The following TTC6 variants were observed in gnomAD, a reference collection of about 807,000 sequenced individuals.
The protein encoded by TTC6 is tetratricopeptide repeat protein 6.
TTC6 carries 172 observed loss-of-function variants against 210.4 expected under a neutral mutation model. The ratio of observed to expected loss-of-function variants is 0.82; its 90% CI spans 0.72 to 0.93. The LOEUF (loss-of-function observed/expected upper bound fraction) is 0.93, where lower values mean the gene tolerates loss of function less well. Among genes scored for constraint, TTC6 ranks in the 40% least tolerant of loss-of-function variants. The pLI is 0.00. For missense variants in TTC6, 2,414 were observed against 2,318.1 expected, an observed-to-expected ratio of 1.04 and a Z score of -0.85; for synonymous variants, 804 against 819.6, an observed-to-expected ratio of 0.98 and a Z score of 0.32.
chr14:37,804,815 G>T lies in TTC6; in HGVS notation c.4164+1G>T. Reference sequence around the variant, plus strand: ...CATGGAGGAAGGCAATTTACAAATGGTATTTCGTGTATTTAGGAGTATAGA... The same window carrying T: ...CATGGAGGAAGGCAATTTACAAATGTTATTTCGTGTATTTAGGAGTATAGA... On this transcript the variant is annotated splice_donor_variant, in intron 21 of 30. Transcript: ENST00000553443. LOFTEE classifies it high-confidence loss of function. The T allele has an allele frequency of 1.9e-6, 3 of 1,612,974 alleles. No homozygotes were observed. The highest frequency in any genetic ancestry group is 2.5e-6 in the Non-Finnish European group (3 of 1,179,534).
chr14:37,749,205 C>T lies in TTC6; in HGVS notation c.2630C>T (p.Pro877Leu), dbSNP rs1183258800. 6 of 1,530,808 alleles carry T rather than the reference C, an allele frequency of 3.9e-6. No homozygotes were observed. The African/African-American group carries it at 5.5e-5, about 14-fold the overall frequency. 94.8% of individuals were successfully genotyped at this position (1,530,808 alleles called of 1,614,324 possible). ...GACCCACCTGAAAGAGTGAAAGAAC[C>T]ACCAAAACTAAAATTAAATGATTAT... The change falls in exon 11 of 31, where the codon CCA (proline) becomes CTA (leucine). Residue 877 changes from proline to leucine, a missense_variant. By Grantham distance (98) the Pro-to-Leu change is moderately conservative. Coordinates refer to ENST00000553443, the Ensembl canonical transcript of TTC6.
chr14:37,752,091 G>T (rs11850684), intron 13 of TTC6, among the ~76,000 whole-genome samples: 6,848 of 151,942 alleles, frequency 0.045, 572 homozygotes, highest in African/African-American at 0.16. Flanking sequence ...TCCCAAAGTG[G>T]TGGGGTTACA....
chr14:37,626,849 AC>A (rs2095661204), intron 1 of TTC6, among the ~76,000 whole-genome samples: 1 of 152,244 alleles, frequency 6.6e-6, no homozygotes, highest in Admixed American at 6.5e-5. Flanking sequence ...CCAGCTAAAT[AC>A]TGCGGAAAAA....
intron 1 of TTC6, among the ~76,000 whole-genome samples, chr14:37,654,550 C>T (rs1250407069): frequency 6.6e-6 from 1 of 152,090 alleles, no homozygotes; most frequent in African/African-American, 2.4e-5. Context: ...GCCTGCAGAA[C>T]CGTGAGCCAA....
exon 3 of TTC6, chr14:37,682,816 A>T: frequency 6.5e-7 from 1 of 1,535,696 alleles, no homozygotes; most frequent in East Asian, 2.4e-5. Context: ...GAACAAGAGG[A>T]TATAGAATGG....
chr14:37,834,350 G>A (rs2096193022), intron 29 of TTC6, among the ~76,000 whole-genome samples: 2 of 152,082 alleles, frequency 1.3e-5, no homozygotes, highest in African/African-American at 4.8e-5. Context: ...TATATATGAT[G>A]TAAGCTTTCT....
intron 4 of TTC6, among the ~76,000 whole-genome samples, chr14:37,701,091 G>T (rs1210112073): frequency 6.6e-6 from 1 of 152,114 alleles, no homozygotes; most frequent in African/African-American, 2.4e-5. Flanking sequence ...CCTGTAGACT[G>T]TTGTCTGTAG....
intron 1 of TTC6, among the ~76,000 whole-genome samples, chr14:37,679,911 A>T (rs2095779381): frequency 6.6e-6 from 1 of 151,984 alleles, no homozygotes; most frequent in Non-Finnish European, 1.5e-5. Flanking sequence ...GCTCATCTCA[A>T]ATTCTTGACC....
intron 1 of TTC6, among the ~76,000 whole-genome samples, chr14:37,627,321 T>G (rs1030235722): frequency 6.6e-6 from 1 of 152,132 alleles, no homozygotes; most frequent in Non-Finnish European, 1.5e-5. Context: ...TCTTTTATTT[T>G]TATTATTATA....
intron 14 of TTC6, among the ~76,000 whole-genome samples, chr14:37,779,794 A>G (rs559935497): frequency 1.3e-5 from 2 of 152,208 alleles, no homozygotes; most frequent in Non-Finnish European, 2.9e-5. Flanking sequence ...GGAGGAGAAC[A>G]AAAAGGTTAA....
chr14:37,708,348 A>G lies in TTC6; in HGVS notation c.1572-6307A>G, dbSNP rs569864079. On this transcript the variant is annotated intron_variant, in intron 5 of 30. Coordinates refer to ENST00000553443, the Ensembl canonical transcript of TTC6. ...TTAAGAAAATGGAAAATTATCTAAC[A>G]GAAAAATGCATTGAAGTACACTACA... Among the ~76,000 whole-genome samples, 7 of 152,180 alleles carry G rather than the reference A, an allele frequency of 4.6e-5. No individual in the cohort carries two copies. The East Asian group carries it at 1.2e-3, about 25-fold the overall frequency.
intron 7 of TTC6, among the ~76,000 whole-genome samples, chr14:37,727,747 A>G (rs2095876575): frequency 6.6e-6 from 1 of 152,004 alleles, no homozygotes; most frequent in African/African-American, 2.4e-5. Context: ...AGTAATTTCT[A>G]TTGCAATTTT....
intron 3 of TTC6, among the ~76,000 whole-genome samples, chr14:37,693,647 A>G (rs1247860065): frequency 6.6e-6 from 1 of 152,104 alleles, no homozygotes; most frequent in East Asian, 1.9e-4. Flanking sequence ...ACAAATAAAA[A>G]CAAAAACAAA....
chr14:37,736,246 GATGTGGTGGC>G (rs1424162603), intron 8 of TTC6, among the ~76,000 whole-genome samples: 1 of 152,054 alleles, frequency 6.6e-6, no homozygotes, highest in Non-Finnish European at 1.5e-5. Context: ...AAATTAGCTG[GATGTGGTGGC>G]ACGTGCCTGT....
In TTC6 at chr14:37,771,780, G is replaced by A. The variant is rs187813476; in HGVS notation, c.3267-15688G>A. On this transcript the variant is annotated intron_variant, in intron 14 of 30. Transcript: ENST00000553443. ...TCCTGTGGCTCAGAGTAATTTGATC[G>A]TCTGAAGCCTTCTTCTCTCAGCTCG... is the stretch of plus-strand genomic sequence containing the variant. 1.6e-3 allele frequency among the ~76,000 whole-genome samples: 237 copies of A among 152,068 alleles called. 1 individual carries two copies. Among genetic ancestry groups the A allele is most frequent in the African/African-American group, 5.3e-3 (219 of 41,472 alleles).
At chr14:37,733,167 C>T (rs1209360243) in intron 7 of TTC6, among the ~76,000 whole-genome samples, 3 of 152,174 alleles carry the variant, frequency 2.0e-5, no homozygotes, top group Non-Finnish European at 2.9e-5. Context: ...AATACAGTGA[C>T]TTCAGAATCC....
chr14:37,678,284 A>G (rs1011785273), intron 1 of TTC6, among the ~76,000 whole-genome samples: 1 of 152,160 alleles, frequency 6.6e-6, no homozygotes, highest in African/African-American at 2.4e-5. Context: ...TCTGGCCTTT[A>G]TAATGAATGT....
chr14:37,631,954 T>C (rs1199802193), intron 1 of TTC6, among the ~76,000 whole-genome samples: 1 of 152,208 alleles, frequency 6.6e-6, no homozygotes, highest in Non-Finnish European at 1.5e-5. Flanking sequence ...TTATGTTTTT[T>C]CAGCTTCATC....
At chr14:37,704,332 G>T (rs1309457419) in intron 5 of TTC6, among the ~76,000 whole-genome samples, 1 of 152,132 alleles carries the variant, frequency 6.6e-6, no homozygotes, top group African/African-American at 2.4e-5. Flanking sequence ...TAGGATTACA[G>T]ATGTGATCCA....
Sources: gnomAD v4.1 joint callset for allele counts (sites outside exome capture counted in the v4.1 genomes callset) on GRCh38, gnomAD v4.1.1 for gene constraint, MANE v1.5 for transcripts, NCBI Gene and HGNC (gene_info 2026-07-23, HGNC 2026-07-21) for gene names.